HSPA12A: variants seen among roughly 807,000 people sequenced by gnomAD.
HSPA12A encodes the protein heat shock 70 kDa protein 12A.
A neutral mutation model predicts 69.2 loss-of-function variants in HSPA12A; 28 were observed. The observed-to-expected ratio is 0.40, with a 90% CI of 0.30 to 0.55. The LOEUF is 0.55. Among genes scored for constraint, HSPA12A ranks in the 20% least tolerant of loss-of-function variants. The pLI is 0.38. For synonymous variants in HSPA12A, 345 were observed against 370.5 expected, an observed-to-expected ratio of 0.93 and a Z score of 0.79; for missense variants, 686 against 900.7, an observed-to-expected ratio of 0.76 and a Z score of 3.05.
At chr10:116,812,353 T>C (rs1487312838) in intron 2 of HSPA12A, among the ~76,000 whole-genome samples, 1 of 151,876 alleles carries the variant, frequency 6.6e-6, no homozygotes, top group Non-Finnish European at 1.5e-5. Flanking sequence ...CTCAGGAGGC[T>C]GAGGCAGGAG....
intron 2 of HSPA12A, among the ~76,000 whole-genome samples, chr10:116,834,463 A>G (rs1448975544): frequency 1.3e-5 from 2 of 152,186 alleles, no homozygotes; most frequent in African/African-American, 4.8e-5. Flanking sequence ...ACCAAAGAAG[A>G]AGGAGGAAGA....
At chr10:116,839,778 TG>T (rs1261253020) in intron 1 of HSPA12A, among the ~76,000 whole-genome samples, 1 of 152,198 alleles carries the variant, frequency 6.6e-6, no homozygotes, top group Non-Finnish European at 1.5e-5. Context: ...AGTAACTGCA[TG>T]ATCGTAAACA....
At chr10:116,788,267 CG>C (rs1844623612) in intron 2 of HSPA12A, among the ~76,000 whole-genome samples, 1 of 152,142 alleles carries the variant, frequency 6.6e-6, no homozygotes, top group African/African-American at 2.4e-5. Flanking sequence ...TGGTGAACTG[CG>C]CCCAGGTCCA....
intron 2 of HSPA12A, among the ~76,000 whole-genome samples, chr10:116,766,770 C>G (rs1454412040): frequency 1.3e-5 from 2 of 152,178 alleles, no homozygotes; most frequent in East Asian, 3.9e-4. Context: ...ATCTTTGGTT[C>G]AAATAATCTT....
At chr10:116,762,569 A>G (rs1843994489) in intron 2 of HSPA12A, among the ~76,000 whole-genome samples, 2 of 151,668 alleles carry the variant, frequency 1.3e-5, no homozygotes, top group African/African-American at 4.8e-5. Context: ...TCGCCTTAGA[A>G]ACTCCCCTTA....
At chr10:116,720,679 C>T (rs1205392891) in intron 1 of HSPA12A, among the ~76,000 whole-genome samples, 1 of 152,248 alleles carries the variant, frequency 6.6e-6, no homozygotes, top group African/African-American at 2.4e-5. Flanking sequence ...TCTGCAGACC[C>T]ACCTTTGACA....
At chr10:116,836,391 G>A (rs1311199094) in intron 1 of HSPA12A, among the ~76,000 whole-genome samples, 1 of 152,170 alleles carries the variant, frequency 6.6e-6, no homozygotes, top group Non-Finnish European at 1.5e-5. Context: ...TGCCGCCATG[G>A]AGCCTGCAGC....
chr10:116,820,401 C>T (rs1398588626), intron 2 of HSPA12A, among the ~76,000 whole-genome samples: 4 of 151,968 alleles, frequency 2.6e-5, no homozygotes, highest in Admixed American at 2.6e-4. Context: ...GTCAGGGATG[C>T]GGTTACACTG....
At position 116,820,552 on chromosome 10, in the gene HSPA12A, G is replaced by A. The variant is rs566851484; in HGVS notation, c.91+14383C>T. ...CCCTCTCCTCTTCATTTGCTTTCCA[G>A]GACACCACATCCTCCTGCTTGTCTT... On this transcript the variant is annotated intron_variant, in intron 2 of 12. Coordinates refer to the HSPA12A transcript ENST00000635765. 2.0e-5 allele frequency among the ~76,000 whole-genome samples: 3 copies of A among 152,182 alleles called. No individual in the cohort carries two copies. The South Asian group carries it at 6.2e-4, about 32-fold the overall frequency.
At chr10:116,679,168 A>C (rs1358580865) in intron 10 of HSPA12A, among the ~76,000 whole-genome samples, 1 of 152,234 alleles carries the variant, frequency 6.6e-6, no homozygotes, top group Non-Finnish European at 1.5e-5. Context: ...GACACTGGGG[A>C]TATGGCAGGG....
At position 116,675,204 on chromosome 10, in the gene HSPA12A, G is replaced by A. The variant is rs1554877432; in HGVS notation, c.1605C>T (p.Leu535=). 12 of 1,613,626 alleles carry A rather than the reference G, an allele frequency of 7.4e-6. No homozygotes were observed. The highest frequency in any genetic ancestry group is 1.0e-5 in the Non-Finnish European group (12 of 1,180,034). Residue 535 remains leucine, a synonymous_variant, in exon 12 of 12, where the codon CTC becomes CTT. Transcript: ENST00000369209. The surrounding 1 kb of genome is among the most constrained non-coding windows in gnomAD (Gnocchi z 5.2). ...GGTTCAGCACGCCTACCCCGTAGGT[G>A]AGCGGCGACCGGCGCACCTTGATGA... The part of the protein sequence containing the change: ...PAVIKVRRSP[L]TYGVGVLNRY...
rs184667291 is a variant in HSPA12A, at chr10:116,846,225, G to A, written c.3+3341C>T. On this transcript the variant is annotated intron_variant, in intron 1 of 12. Coordinates refer to the HSPA12A transcript ENST00000635765. Reference sequence around the variant, plus strand: ...ACTTTTCTTTGAGAAAATTAAATGAGTCTATAGGGGAATAATTGAGTTCCT... The same window carrying A: ...ACTTTTCTTTGAGAAAATTAAATGAATCTATAGGGGAATAATTGAGTTCCT... 4.8e-3 allele frequency among the ~76,000 whole-genome samples: 726 copies of A among 151,896 alleles called. 8 individuals are homozygous for A. The highest frequency in any genetic ancestry group is 0.015 in the African/African-American group (641 of 41,444).
At chr10:116,683,121 G>C (rs1012929295) in intron 7 of HSPA12A, among the ~76,000 whole-genome samples, 4 of 151,960 alleles carry the variant, frequency 2.6e-5, no homozygotes, top group African/African-American at 9.7e-5. Context: ...CGCTCATATT[G>C]GTGCCTTGAC....
chr10:116,822,725 G>T (rs1261817081), intron 2 of HSPA12A, among the ~76,000 whole-genome samples: 1 of 152,114 alleles, frequency 6.6e-6, no homozygotes. Flanking sequence ...TTTATCACTG[G>T]CTTGAATGAA....
At chr10:116,798,890 A>C (rs1312246658) in intron 2 of HSPA12A, among the ~76,000 whole-genome samples, 2 of 152,028 alleles carry the variant, frequency 1.3e-5, no homozygotes, top group Admixed American at 6.6e-5. Context: ...ACCTTGAACC[A>C]ATGGTCATTT....
chr10:116,717,755 C>T (rs1554883952), intron 1 of HSPA12A, among the ~76,000 whole-genome samples: 1 of 152,208 alleles, frequency 6.6e-6, no homozygotes, highest in Non-Finnish European at 1.5e-5. Context: ...AGAGCCCCCA[C>T]CTTTGCATAA....
chr10:116,712,977 A>AATACATATATATATATAT (rs1850482288), intron 1 of HSPA12A, among the ~76,000 whole-genome samples: 2 of 80,858 alleles, frequency 2.5e-5, no homozygotes, highest in East Asian at 1.3e-3. Context: ...TAAAAAATGC[A>AATACATATATATATATAT]ATATATATAT....
At chr10:116,718,262 TC>T (rs1162524866) in intron 1 of HSPA12A, among the ~76,000 whole-genome samples, 1 of 152,214 alleles carries the variant, frequency 6.6e-6, no homozygotes, top group Non-Finnish European at 1.5e-5. Context: ...CCAGTTGGTT[TC>T]CCCTTGAGCA....
rs528029032 is a variant in HSPA12A at position 116,819,766 on chromosome 10, A to C, written c.91+15169T>G. Among the ~76,000 whole-genome samples the C allele has an allele frequency of 8.8e-4, 134 of 152,314 alleles. 2 individuals are homozygous for C. In the South Asian group the frequency reaches 0.027, roughly 30 times the overall value. ...TCGTTATTACTGTAGGATATGTATAATGGAAATGCAACTTCTAAGGGAATC... is the reference window on the plus strand; with the variant it reads ...TCGTTATTACTGTAGGATATGTATACTGGAAATGCAACTTCTAAGGGAATC... On this transcript the variant is annotated intron_variant, in intron 2 of 12. Coordinates refer to the HSPA12A transcript ENST00000635765.
Sources: allele counts gnomAD v4.1 joint callset (sites outside exome capture counted in the v4.1 genomes callset), GRCh38; gene constraint gnomAD v4.1.1; non-coding constraint Gnocchi (gnomAD v3.1); transcripts MANE v1.5; gene names NCBI Gene and HGNC (gene_info 2026-07-23, HGNC 2026-07-21).